Variants in ASIC2 observed in about 807,000 individuals in gnomAD.
ASIC2 encodes the protein acid sensing ion channel subunit 2, also known as acid-sensing ion channel 2.
ASIC2 carries 25 observed loss-of-function variants against 57.3 expected under a neutral mutation model. The observed-to-expected ratio is 0.44, with a 90% CI of 0.32 to 0.61. ASIC2 has a LOEUF of 0.61. Among genes scored for constraint, ASIC2 ranks in the 20% least tolerant of loss-of-function variants. ASIC2 has a pLI of 0.06. For synonymous variants in ASIC2, 319 were observed against 307.5 expected (o/e 1.04, Z -0.39); for missense variants, 641 against 738.1 (o/e 0.87, Z 1.52).
At chr17:33,067,090 A>G (rs1330780021) in intron 3 of ASIC2, among the ~76,000 whole-genome samples, 1 of 152,218 alleles carries the variant, frequency 6.6e-6, no homozygotes, top group Non-Finnish European at 1.5e-5. Flanking sequence ...TTTGGCGAGC[A>G]TGGCTCTCCG....
At chr17:34,010,506 T>C (rs959023734) in intron 1 of ASIC2, among the ~76,000 whole-genome samples, 5 of 152,210 alleles carry the variant, frequency 3.3e-5, no homozygotes, top group Non-Finnish European at 7.3e-5. Context: ...TCTCTGGGAC[T>C]GATGCCTTCT....
chr17:33,328,647 C>T (rs531564534), intron 1 of ASIC2, among the ~76,000 whole-genome samples: 1 of 152,248 alleles, frequency 6.6e-6, no homozygotes, highest in East Asian at 1.9e-4. Flanking sequence ...TTAAAATTGC[C>T]TTCTCTCAGG....
intron 1 of ASIC2, among the ~76,000 whole-genome samples, chr17:33,246,445 A>G (rs902901483): frequency 3.3e-5 from 5 of 152,172 alleles, no homozygotes; most frequent in Admixed American, 3.3e-4. Context: ...CCCTTCTTGT[A>G]TTTAAAACGA....
rs182938238 is a variant in ASIC2 at position 33,265,404 on chromosome 17, G to A, written c.708+26004C>T. Among the ~76,000 whole-genome samples the A allele has an allele frequency of 3.3e-5, 5 of 152,236 alleles. No individual in the cohort carries two copies. In the East Asian group the frequency reaches 7.7e-4, roughly 23 times the overall value. ...CCATAATCCTCAGCAAACTAACATA[G>A]GAACAGGAAACCAAACACCGCCATG... On this transcript the variant is annotated intron_variant, in intron 1 of 9. Coordinates refer to ENST00000225823, the MANE Select transcript of ASIC2 (RefSeq NM_183377.2).
At chr17:33,951,600 T>C (rs1279563670) in intron 1 of ASIC2, among the ~76,000 whole-genome samples, 2 of 152,024 alleles carry the variant, frequency 1.3e-5, no homozygotes, top group Non-Finnish European at 1.5e-5. Flanking sequence ...TTCTTTTTTT[T>C]TCGATGGAGT....
intron 1 of ASIC2, among the ~76,000 whole-genome samples, chr17:33,155,005 G>A (rs1904940975): frequency 6.6e-6 from 1 of 152,202 alleles, no homozygotes; most frequent in African/African-American, 2.4e-5. Context: ...TTTCACCTGC[G>A]CCGCGGTGCT....
intron 1 of ASIC2, among the ~76,000 whole-genome samples, chr17:33,991,150 T>G (rs142591397): frequency 6.6e-6 from 1 of 152,342 alleles, no homozygotes; most frequent in East Asian, 1.9e-4. Flanking sequence ...AAGCTTGGTG[T>G]TGACATGTGA....
At chr17:33,905,165 TCCAC>T (rs1915321713) in intron 1 of ASIC2, among the ~76,000 whole-genome samples, 2 of 108,454 alleles carry the variant, frequency 1.8e-5, no homozygotes, top group Non-Finnish European at 3.6e-5. Context: ...TTTTTTTTTT[TCCAC>T]TTAGCGTTCT....
At chr17:33,807,465 G>A (rs183032319) in intron 1 of ASIC2, among the ~76,000 whole-genome samples, 43 of 152,282 alleles carry the variant, frequency 2.8e-4, no homozygotes, top group African/African-American at 9.9e-4. Context: ...AGCAAGAAAG[G>A]CAAAGACATA....
chr17:33,840,911 C>G (rs1362163456), intron 1 of ASIC2, among the ~76,000 whole-genome samples: 1 of 151,886 alleles, frequency 6.6e-6, no homozygotes, highest in Non-Finnish European at 1.5e-5. Context: ...GCATCTTAGT[C>G]TGTCATGAAG....
intron 3 of ASIC2, among the ~76,000 whole-genome samples, chr17:33,069,649 A>T (rs2092059207): frequency 6.6e-6 from 1 of 152,198 alleles, no homozygotes; most frequent in South Asian, 2.1e-4. Flanking sequence ...ATATTAGCAT[A>T]GCCATTTCAA....
intron 1 of ASIC2, among the ~76,000 whole-genome samples, chr17:34,033,570 C>T (rs1232536886): frequency 6.6e-6 from 1 of 152,118 alleles, no homozygotes; most frequent in Non-Finnish European, 1.5e-5. Context: ...ATTAATGAAT[C>T]CGGGAGTTGC....
chr17:33,064,556 T>C (rs1567731882), intron 3 of ASIC2, among the ~76,000 whole-genome samples: 1 of 152,204 alleles, frequency 6.6e-6, no homozygotes, highest in Non-Finnish European at 1.5e-5. Context: ...CTCTGGATGT[T>C]TCATCTCAGA....
At chr17:33,023,831 C>T (rs759197221) in intron 6 of ASIC2, 30 bp downstream of exon 6, 3 of 1,612,588 alleles carry the variant, frequency 1.9e-6, no homozygotes, top group East Asian at 2.2e-5. Context: ...GTTCCCCCTT[C>T]CCCCTGCCTA....
intron 1 of ASIC2, among the ~76,000 whole-genome samples, chr17:33,174,025 T>G (rs1338960339): frequency 6.6e-6 from 1 of 152,150 alleles, no homozygotes; most frequent in Non-Finnish European, 1.5e-5. Context: ...CCAAGTACAT[T>G]TGCTTCTGGT....
At chr17:33,300,242 T>C (rs900839039) in intron 1 of ASIC2, among the ~76,000 whole-genome samples, 3 of 152,220 alleles carry the variant, frequency 2.0e-5, no homozygotes, top group African/African-American at 7.2e-5. Context: ...GCCCTTTTTT[T>C]CTACACAAAT....
chr17:33,739,322 T>C (rs1339444724), intron 1 of ASIC2, among the ~76,000 whole-genome samples: 1 of 151,924 alleles, frequency 6.6e-6, no homozygotes, highest in Non-Finnish European at 1.5e-5. Context: ...ATTCAAAGGG[T>C]GGAGGGAAGA....
At chr17:33,942,972 A>G (rs1028282040) in intron 1 of ASIC2, among the ~76,000 whole-genome samples, 1 of 152,220 alleles carries the variant, frequency 6.6e-6, no homozygotes. Context: ...TAACTTTGCA[A>G]AAGATCTTAG....
intron 1 of ASIC2, among the ~76,000 whole-genome samples, chr17:33,259,833 C>T (rs147925656): frequency 6.8e-4 from 103 of 152,242 alleles, no homozygotes; most frequent in Non-Finnish European, 1.2e-3. Context: ...TGGGCTCTAA[C>T]CCGAGAATGC....
Sources: gnomAD v4.1 joint callset for allele counts (sites outside exome capture counted in the v4.1 genomes callset) on GRCh38, gnomAD v4.1.1 for gene constraint, MANE v1.5 for transcripts, NCBI Gene and HGNC (gene_info 2026-07-23, HGNC 2026-07-21) for gene names.